The following CAMTA1 variants were observed in gnomAD, a reference collection of about 807,000 sequenced individuals.
The protein encoded by CAMTA1 is calmodulin binding transcription activator 1.
CAMTA1 carries 27 observed loss-of-function variants against 170.9 expected under a neutral mutation model. That is an observed-to-expected ratio of 0.16 (90% CI 0.12 to 0.22). The LOEUF (loss-of-function observed/expected upper bound fraction) is 0.22, where lower values mean the gene tolerates loss of function less well. Among genes scored for constraint, CAMTA1 ranks in the 10% least tolerant of loss-of-function variants. The pLI is 1.00. For missense variants in CAMTA1, 1,619 were observed against 2,217.2 expected (o/e 0.73, Z 5.42); for synonymous variants, 833 against 891.5 (o/e 0.93, Z 1.17).
At chr1:7,597,603 A>T (rs1267697384) in intron 6 of CAMTA1, among the ~76,000 whole-genome samples, 1 of 152,100 alleles carries the variant, frequency 6.6e-6, no homozygotes, top group Non-Finnish European at 1.5e-5. Context: ...GAGGAGCATG[A>T]TTGTGGGGCT....
chr1:7,215,896 A>C (rs1433740497), intron 4 of CAMTA1, among the ~76,000 whole-genome samples: 2 of 152,224 alleles, frequency 1.3e-5, no homozygotes, highest in Non-Finnish European at 2.9e-5. Flanking sequence ...GTACTTAAGG[A>C]GAAGGTATAG....
chr1:6,821,232 A>G (rs1646454131), intron 2 of CAMTA1, among the ~76,000 whole-genome samples: 1 of 152,196 alleles, frequency 6.6e-6, no homozygotes, highest in Non-Finnish European at 1.5e-5. Context: ...ACTGGGTTTA[A>G]TTCACTTTGG....
intron 5 of CAMTA1, among the ~76,000 whole-genome samples, chr1:7,284,394 G>A (rs1235701208): frequency 6.6e-6 from 1 of 151,780 alleles, no homozygotes; most frequent in East Asian, 1.9e-4. Context: ...AGTAGAGATG[G>A]GGTTTCGCCA....
chr1:7,158,108 G>A (rs560310776), intron 4 of CAMTA1, among the ~76,000 whole-genome samples: 3 of 152,252 alleles, frequency 2.0e-5, no homozygotes, highest in East Asian at 1.9e-4. Flanking sequence ...GCAGTGAGCC[G>A]AGATTGCACC....
At chr1:6,834,723 G>C (rs1298229687) in intron 3 of CAMTA1, 1 of 153,878 alleles carries the variant, frequency 6.5e-6, no homozygotes, top group South Asian at 2.0e-4. Context: ...CCGCAGCCTC[G>C]ACCTTCCGGG....
intron 6 of CAMTA1, among the ~76,000 whole-genome samples, chr1:7,568,920 C>A (rs929803434): frequency 3.3e-5 from 5 of 151,666 alleles, no homozygotes; most frequent in Non-Finnish European, 7.4e-5. Context: ...ATCAACATCA[C>A]CATCATCATC....
chr1:7,022,577 G>T (rs1006010112), intron 3 of CAMTA1, among the ~76,000 whole-genome samples: 5 of 152,250 alleles, frequency 3.3e-5, no homozygotes, highest in African/African-American at 4.8e-5. Flanking sequence ...AAATCCTAGA[G>T]AGGTAGTGTA....
chr1:7,130,262 A>G (rs781324012), intron 4 of CAMTA1, among the ~76,000 whole-genome samples: 14 of 152,124 alleles, frequency 9.2e-5, no homozygotes, highest in Non-Finnish European at 1.9e-4. Context: ...TATAATCAGC[A>G]TAGTTATTTT....
intron 4 of CAMTA1, among the ~76,000 whole-genome samples, chr1:7,230,015 GC>G (rs1228201778): frequency 1.3e-5 from 2 of 152,166 alleles, no homozygotes; most frequent in East Asian, 3.9e-4. Context: ...TTCCTGGGGC[GC>G]TTTCACCCCA....
At chr1:7,677,037 C>T (rs2096128398) in intron 10 of CAMTA1, among the ~76,000 whole-genome samples, 1 of 152,162 alleles carries the variant, frequency 6.6e-6, no homozygotes, top group African/African-American at 2.4e-5. Flanking sequence ...ATCCCCAGCT[C>T]AACACCCACT....
chr1:7,662,243 G>A (rs2095965859), intron 8 of CAMTA1, among the ~76,000 whole-genome samples: 1 of 152,216 alleles, frequency 6.6e-6, no homozygotes, highest in African/African-American at 2.4e-5. Flanking sequence ...AGGGAGACGT[G>A]CCCTGCGTCA....
At chr1:7,187,589 G>C (rs575436390) in intron 4 of CAMTA1, among the ~76,000 whole-genome samples, 7 of 152,200 alleles carry the variant, frequency 4.6e-5, no homozygotes, top group Non-Finnish European at 1.0e-4. Context: ...GGTTTTAAAA[G>C]ATGTATTTTA....
At chr1:6,807,397 T>C (rs989543358) in intron 1 of CAMTA1, among the ~76,000 whole-genome samples, 1 of 152,232 alleles carries the variant, frequency 6.6e-6, no homozygotes, top group Non-Finnish European at 1.5e-5. Context: ...GCCATTTTTA[T>C]TTACAGATAC....
Position 6,785,534 on chromosome 1 carries a change from T to A in CAMTA1, c.4T>A (p.Trp2Arg). The change falls in exon 1 of 23, where the codon TGG (tryptophan) becomes AGG (arginine). Residue 2 changes from tryptophan (W) to arginine (R), a missense_variant. Physicochemically the swap from Trp to Arg is moderately radical, Grantham distance 101 (BLOSUM62 -3). This residue lies in a region of CAMTA1 where 61 missense variants were observed against 57.7 expected (regional missense o/e 1.06). Transcript: ENST00000303635. The part of the protein sequence containing the change: M[W>R]RAEGKWLPKT... ...CCCGGTCGCGAGGAGGAGGAGGATGTGGCGCGCGGAGGGGAAATGGCTGCC... is the reference window on the plus strand; with the variant it reads ...CCCGGTCGCGAGGAGGAGGAGGATGAGGCGCGCGGAGGGGAAATGGCTGCC... The A allele has an allele frequency of 9.4e-7, 1 of 1,068,776 alleles. No homozygotes were observed. Among genetic ancestry groups the A allele is most frequent in the Non-Finnish European group, 1.1e-6 (1 of 870,230 alleles). The allele number at this position is 1,068,776 out of a possible 1,614,324, so 66.2% of individuals were successfully genotyped here. A position where few individuals can be genotyped will look rare whatever the true frequency, so the allele number is the denominator to read the frequency against.
intron 6 of CAMTA1, among the ~76,000 whole-genome samples, chr1:7,595,913 C>G (rs955661926): frequency 6.6e-6 from 1 of 152,156 alleles, no homozygotes; most frequent in Non-Finnish European, 1.5e-5. Context: ...GATGACATCC[C>G]AAGGAACGTG....
chr1:6,955,582 C>T (rs1032844485), intron 3 of CAMTA1, among the ~76,000 whole-genome samples: 4 of 152,140 alleles, frequency 2.6e-5, no homozygotes, highest in Admixed American at 6.5e-5. Context: ...GTCAGGTGTG[C>T]GGTGGCAACC....
intron 11 of CAMTA1, among the ~76,000 whole-genome samples, chr1:7,699,639 T>C (rs2096416789): frequency 6.6e-6 from 1 of 152,202 alleles, no homozygotes; most frequent in Non-Finnish European, 1.5e-5. Context: ...CCACCACCAG[T>C]GTACAAAAGT....
intron 3 of CAMTA1, among the ~76,000 whole-genome samples, chr1:6,836,526 G>C (rs1178986062): frequency 2.6e-5 from 4 of 152,148 alleles, no homozygotes; most frequent in Admixed American, 2.6e-4. Context: ...AAGAAACTGG[G>C]AGGCCCTTCA....
chr1:7,201,969 C>T (rs1167338830), intron 4 of CAMTA1, among the ~76,000 whole-genome samples: 1 of 152,094 alleles, frequency 6.6e-6, no homozygotes, highest in Non-Finnish European at 1.5e-5. Context: ...CAATCCAAGG[C>T]CGTGAATGTT....
Sources: allele counts gnomAD v4.1 joint callset (sites outside exome capture counted in the v4.1 genomes callset), GRCh38; gene constraint gnomAD v4.1.1; regional missense constraint gnomAD v4.1.1; transcripts MANE v1.5; gene names NCBI Gene and HGNC (gene_info 2026-07-23, HGNC 2026-07-21).